The following ZNF565 variants were observed in gnomAD, a reference collection of about 807,000 sequenced individuals.
ZNF565 encodes the protein zinc finger protein 565.
ZNF565 carries 27 observed loss-of-function variants against 39.4 expected under a neutral mutation model. That is an observed-to-expected ratio of 0.69 (90% CI 0.51 to 0.95). The LOEUF (loss-of-function observed/expected upper bound fraction) is 0.95, where lower values mean the gene tolerates loss of function less well. Ranked by LOEUF, ZNF565 falls within the 40% of genes least tolerant of loss-of-function variation. ZNF565 has a pLI of 0.00. For missense variants in ZNF565, 524 were observed against 621.1 expected (o/e 0.84, Z 1.66); for synonymous variants, 185 against 216.6 (o/e 0.85, Z 1.28).
chr19:36,187,360 AGAGTCTCTTTTTTTTTTCTGAGACG>A (rs1050317376), intron 4 of ZNF565, among the ~76,000 whole-genome samples: 8 of 151,492 alleles, frequency 5.3e-5, no homozygotes, highest in African/African-American at 1.5e-4. Flanking sequence ...TTTTTGAGAC[AGAGTCTCTTTTTTTTTTCTGAGACG>A]GAGTCTCGCT....
intron 4 of ZNF565, among the ~76,000 whole-genome samples, chr19:36,193,246 G>C (rs1041256242): frequency 6.6e-6 from 1 of 151,738 alleles, no homozygotes; most frequent in Admixed American, 6.6e-5. Flanking sequence ...GCCTCCCAAA[G>C]TGCAGGGATT....
intron 1 of ZNF565, among the ~76,000 whole-genome samples, chr19:36,243,007 A>G (rs1977824946): frequency 6.6e-6 from 1 of 152,196 alleles, no homozygotes; most frequent in Middle Eastern, 3.4e-3. Context: ...ATCTGAGAGT[A>G]AATGTTGGGT....
At chr19:36,234,746 A>T (rs1220715776) in intron 1 of ZNF565, among the ~76,000 whole-genome samples, 1 of 152,150 alleles carries the variant, frequency 6.6e-6, no homozygotes, top group African/African-American at 2.4e-5. Context: ...AGGTCTTACC[A>T]TATATGTGGG....
chr19:36,211,325 C>T (rs904530963), intron 1 of ZNF565, among the ~76,000 whole-genome samples: 1 of 151,860 alleles, frequency 6.6e-6, no homozygotes, highest in Non-Finnish European at 1.5e-5. Flanking sequence ...TGCCTGTAAT[C>T]CCAGAAACTT....
chr19:36,217,118 A>G (rs913118326), upstream of ZNF565, among the ~76,000 whole-genome samples: 2 of 123,512 alleles, frequency 1.6e-5, no homozygotes, highest in African/African-American at 3.1e-5. Context: ...TCTAGAGTGC[A>G]GTGGCCCAAT....
At chr19:36,194,901 G>T in intron 3 of ZNF565, 129 bp downstream of exon 3, 1 of 1,423,950 alleles carries the variant, frequency 7.0e-7, no homozygotes, top group Non-Finnish European at 9.8e-7. Flanking sequence ...CTCTATGGCT[G>T]TAGTTTGTAG....
At chr19:36,214,754 A>G (rs1418800837), upstream of ZNF565, 1 of 152,170 alleles carries the variant, frequency 6.6e-6, no homozygotes, top group African/African-American at 2.4e-5. Flanking sequence ...CACGGACAGA[A>G]TGGCGTTCTC....
At chr19:36,197,054 TA>T (rs111586132) in intron 2 of ZNF565, among the ~76,000 whole-genome samples, 340 of 139,728 alleles carry the variant, frequency 2.4e-3, no homozygotes, top group Middle Eastern at 7.2e-3. Flanking sequence ...AAACTCTGTT[TA>T]AAAAAAAAAA....
At chr19:36,205,421 G>C (rs1976116858) in intron 1 of ZNF565, among the ~76,000 whole-genome samples, 1 of 152,134 alleles carries the variant, frequency 6.6e-6, no homozygotes, top group African/African-American at 2.4e-5. Flanking sequence ...CAGCTACTCA[G>C]GAGGTTGAGG....
intron 1 of ZNF565, 58 bp from the exon 2 acceptor site, chr19:36,202,108 G>C (rs1975986879): frequency 3.3e-6 from 3 of 922,700 alleles, no homozygotes; most frequent in South Asian, 2.6e-5. Flanking sequence ...GCTTGCCTCA[G>C]CACTCCCAAA....
chr19:36,244,849 T>A (rs1249279063), intron 1 of ZNF565, among the ~76,000 whole-genome samples: 2 of 129,224 alleles, frequency 1.5e-5, no homozygotes, highest in Admixed American at 8.0e-5. Context: ...GACTACGTCT[T>A]AAAAAAAAAA....
At chr19:36,198,936 T>C (rs1170923359) in intron 2 of ZNF565, among the ~76,000 whole-genome samples, 1 of 152,182 alleles carries the variant, frequency 6.6e-6, no homozygotes, top group Non-Finnish European at 1.5e-5. Context: ...GTAACTGGAT[T>C]GTTTATAACT....
Position 36,241,723 on chromosome 19 carries a change from T to C in ZNF565, c.55+3753A>G, listed in dbSNP as rs935003889. ...AGGAGAATCGCTTGAACCCAGGAGG[T>C]GGAGGTTGCAGTGAGCTGAGATTGT... On this transcript the variant is annotated intron_variant, in intron 1 of 4. Transcript: ENST00000355114. 1.3e-4 allele frequency among the ~76,000 whole-genome samples: 16 copies of C among 127,534 alleles called. No homozygotes were observed. The Admixed American group carries it at 1.3e-3, about 10-fold the overall frequency. The allele number at this position is 127,534 out of a possible 152,430, so 83.7% of individuals were successfully genotyped here.
chr19:36,197,064 A>T (rs1975786925), intron 2 of ZNF565, among the ~76,000 whole-genome samples: 1 of 151,632 alleles, frequency 6.6e-6, no homozygotes, highest in Admixed American at 6.6e-5. Context: ...TAAAAAAAAA[A>T]AAAGAAGTCC....
At chr19:36,194,800 G>A in intron 3 of ZNF565, 1 of 643,952 alleles carries the variant, frequency 1.6e-6, no homozygotes, top group Non-Finnish European at 2.8e-6. Flanking sequence ...GACAGGAGGA[G>A]AGAGAGCACC....
At chr19:36,185,309 G>A (rs1231080556) in intron 4 of ZNF565, among the ~76,000 whole-genome samples, 1 of 151,596 alleles carries the variant, frequency 6.6e-6, no homozygotes, top group African/African-American at 2.4e-5. Flanking sequence ...AACTACCTGG[G>A]AGGCTGAGGC....
intron 1 of ZNF565, among the ~76,000 whole-genome samples, chr19:36,239,327 CT>C (rs66496075): frequency 0.32 from 45,022 of 141,710 alleles, 7,098 homozygotes; most frequent in African/African-American, 0.4. Context: ...TTGATAATAT[CT>C]TTTTTTTTTT....
intron 1 of ZNF565, among the ~76,000 whole-genome samples, chr19:36,229,418 C>T (rs1209676581): frequency 2.6e-5 from 4 of 152,190 alleles, no homozygotes; most frequent in Non-Finnish European, 4.4e-5. Context: ...AATTACAGCT[C>T]ACTGTGGCCT....
intron 1 of ZNF565, among the ~76,000 whole-genome samples, chr19:36,231,876 G>C (rs1304319780): frequency 1.3e-5 from 2 of 151,526 alleles, no homozygotes; most frequent in African/African-American, 2.4e-5. Flanking sequence ...GACCAGCCTG[G>C]GCAGCGTGTT....
Sources: gnomAD v4.1 joint callset for allele counts (sites outside exome capture counted in the v4.1 genomes callset) on GRCh38, gnomAD v4.1.1 for gene constraint, MANE v1.5 for transcripts, NCBI Gene and HGNC (gene_info 2026-07-23, HGNC 2026-07-21) for gene names.